FLI1: variants seen among roughly 807,000 people sequenced by gnomAD.
The protein encoded by FLI1 is Friend leukemia integration 1 transcription factor.
A neutral mutation model predicts 53.1 loss-of-function variants in FLI1; 13 were observed. That is an observed-to-expected ratio of 0.24 (90% CI 0.16 to 0.39). The LOEUF (loss-of-function observed/expected upper bound fraction) is 0.39. Ranked by LOEUF, FLI1 falls within the 10% of genes least tolerant of loss-of-function variation. The pLI, the probability that FLI1 is intolerant of heterozygous loss-of-function variation, is 1.00. For missense variants in FLI1, 424 were observed against 600.5 expected, an observed-to-expected ratio of 0.71 and a Z score of 3.07; for synonymous variants, 244 against 236.7, an observed-to-expected ratio of 1.03 and a Z score of -0.28.
At chr11:128,699,085 T>A (rs1047283854) in intron 1 of FLI1, among the ~76,000 whole-genome samples, 3 of 152,214 alleles carry the variant, frequency 2.0e-5, no homozygotes, top group African/African-American at 7.2e-5. Context: ...AATGGAATAT[T>A]GGACTATTTA....
chr11:128,752,030 C>G, intron 1 of FLI1, among the ~76,000 whole-genome samples: 1 of 152,032 alleles, frequency 6.6e-6, no homozygotes. Context: ...AGCCAGAGTG[C>G]TGTGCCGCTA....
intron 5 of FLI1, among the ~76,000 whole-genome samples, chr11:128,792,667 AT>A (rs768514579): frequency 8.0e-6 from 1 of 124,540 alleles, no homozygotes. Context: ...GGTTTCACAG[AT>A]TTTTTTTCAT....
chr11:128,786,261 C>A (rs773105554), intron 5 of FLI1, among the ~76,000 whole-genome samples: 1 of 152,112 alleles, frequency 6.6e-6, no homozygotes, highest in Non-Finnish European at 1.5e-5. Context: ...ACACACTGGG[C>A]GGTTGTCTGG....
chr11:128,769,618 G>A (rs1365222199), intron 3 of FLI1, among the ~76,000 whole-genome samples: 6 of 152,124 alleles, frequency 3.9e-5, no homozygotes, highest in Admixed American at 2.0e-4. Flanking sequence ...GGCAGCAGAC[G>A]GGTGGGGCTT....
chr11:128,799,635 G>A (rs1219588974), intron 5 of FLI1, among the ~76,000 whole-genome samples: 1 of 152,170 alleles, frequency 6.6e-6, no homozygotes, highest in Non-Finnish European at 1.5e-5. Flanking sequence ...GCCCACCAGA[G>A]AGAAAGGATA....
intron 8 of FLI1, among the ~76,000 whole-genome samples, chr11:128,809,590 G>T (rs1942883811): frequency 6.6e-6 from 1 of 152,168 alleles, no homozygotes; most frequent in Non-Finnish European, 1.5e-5. Flanking sequence ...ATTCCAAAGG[G>T]TTTTATTTGT....
chr11:128,696,205 C>A (rs1938066551), intron 1 of FLI1, among the ~76,000 whole-genome samples: 1 of 152,152 alleles, frequency 6.6e-6, no homozygotes, highest in Non-Finnish European at 1.5e-5. Flanking sequence ...GAGCCATGAG[C>A]TCCTCCAAAC....
At chr11:128,767,944 C>T (rs1293178763) in intron 2 of FLI1, among the ~76,000 whole-genome samples, 174 bp from the exon 3 acceptor site, 1 of 152,152 alleles carries the variant, frequency 6.6e-6, no homozygotes, top group Non-Finnish European at 1.5e-5. Flanking sequence ...TTGAAGAAAA[C>T]TCTGGTGGCA....
At chr11:128,731,862 G>A (rs866052738) in intron 1 of FLI1, among the ~76,000 whole-genome samples, 5 of 152,208 alleles carry the variant, frequency 3.3e-5, no homozygotes, top group Middle Eastern at 3.4e-3. Flanking sequence ...AATTAGCTTA[G>A]TGTGGTGGCA....
intron 1 of FLI1, among the ~76,000 whole-genome samples, chr11:128,745,430 T>C (rs1940337889): frequency 6.6e-6 from 1 of 152,028 alleles, no homozygotes; most frequent in African/African-American, 2.4e-5. Flanking sequence ...ACAGCAACAA[T>C]ATGGTAACCA....
intron 4 of FLI1, among the ~76,000 whole-genome samples, chr11:128,779,324 G>C (rs545203994): frequency 6.6e-6 from 1 of 152,198 alleles, no homozygotes; most frequent in Admixed American, 6.5e-5. Flanking sequence ...CGTCAGGGAC[G>C]GAGAGGCAAG....
Position 128,810,953 on chromosome 11 carries a change from A to C in FLI1, c.1324A>C (p.Thr442Pro), listed in dbSNP as rs754757497. Residue 442 changes from threonine (T) to proline (P), a missense_variant, in exon 9 of 9, where the codon ACC becomes CCC. Physicochemically the swap from Thr to Pro is conservative, Grantham distance 38. Transcript: ENST00000527786. The surrounding 1 kb of genome is among the most constrained non-coding windows in gnomAD (Gnocchi z 6.6). ...CCCCAACGTCCCCCGCCATCCTAAC[A>C]CCCACGTGCCTTCACACTTAGGCAG... is the stretch of plus-strand genomic sequence containing the variant. ...PNPNVPRHPNTHVPSHLGSYY is the reference protein window; with the variant it reads ...PNPNVPRHPNPHVPSHLGSYY 5 of 1,613,742 alleles carry C rather than the reference A, an allele frequency of 3.1e-6. No individual in the cohort carries two copies. The highest frequency in any genetic ancestry group is 4.2e-6 in the Non-Finnish European group (5 of 1,179,840).
intron 1 of FLI1, among the ~76,000 whole-genome samples, chr11:128,713,110 C>T (rs1156676058): frequency 2.0e-5 from 3 of 152,170 alleles, no homozygotes; most frequent in African/African-American, 7.2e-5. Flanking sequence ...CTGTTTAAAA[C>T]AAAGATGGGC....
rs114431220 is a variant in FLI1 at position 128,802,746 on chromosome 11, A to T, written c.656-2620A>T. Among the ~76,000 whole-genome samples, 1,423 of 152,344 alleles carry T rather than the reference A, an allele frequency of 9.3e-3. 16 individuals carry two copies. Among genetic ancestry groups the T allele is most frequent in the African/African-American group, 0.032 (1,335 of 41,576 alleles). The stretch of plus-strand genomic sequence containing the variant: ...GGCACCACAGAAAGATGGGCCTGCC[A>T]AGCCACTGCTCTGATAAGGCATGCC... On this transcript the variant is annotated intron_variant, in intron 5 of 8. Coordinates refer to ENST00000527786, the MANE Select transcript of FLI1 (RefSeq NM_002017.5).
At chr11:128,686,568 C>A in exon 1 of FLI1, 1 of 433,114 alleles carries the variant, frequency 2.3e-6, no homozygotes, top group Non-Finnish European at 4.7e-6. Context: ...ACTTCATCAC[C>A]ATCCCACCGT....
intron 4 of FLI1, among the ~76,000 whole-genome samples, chr11:128,773,263 C>T (rs1015860247): frequency 3.9e-5 from 6 of 152,150 alleles, no homozygotes; most frequent in African/African-American, 9.7e-5. Flanking sequence ...CCCATGAGAC[C>T]GCCTTTCCAG....
chr11:128,705,237 G>C (rs7128819), intron 1 of FLI1, among the ~76,000 whole-genome samples: 1,871 of 152,232 alleles, frequency 0.012, 19 homozygotes, highest in Middle Eastern at 0.037. Flanking sequence ...TCATGAAACT[G>C]CTCAATTCTT....
chr11:128,763,735 T>C lies in FLI1; in HGVS notation c.231-4383T>C, dbSNP rs200877835. Among the ~76,000 whole-genome samples, 8 of 152,242 alleles carry C rather than the reference T, an allele frequency of 5.3e-5. No individual in the cohort carries two copies. In the East Asian group the frequency reaches 1.4e-3, roughly 26 times the overall value. ...TCTCAACCTTGCAGTATGAGACATG[T>C]CACACATAACCTGGGTGGGGAGGAT... On this transcript the variant is annotated intron_variant, in intron 2 of 8. Coordinates refer to ENST00000527786, the MANE Select transcript of FLI1 (RefSeq NM_002017.5).
At chr11:128,737,077 A>G (rs1939944200) in intron 1 of FLI1, among the ~76,000 whole-genome samples, 2 of 152,256 alleles carry the variant, frequency 1.3e-5, no homozygotes, top group South Asian at 4.1e-4. Flanking sequence ...AAGAGGCAGT[A>G]TTCTGCAGTA....
Sources: allele counts gnomAD v4.1 joint callset (sites outside exome capture counted in the v4.1 genomes callset), GRCh38; gene constraint gnomAD v4.1.1; non-coding constraint Gnocchi (gnomAD v3.1); transcripts MANE v1.5; gene names NCBI Gene and HGNC (gene_info 2026-07-23, HGNC 2026-07-21).